Variants in POMGNT1 observed in about 807,000 individuals in gnomAD.
POMGNT1 encodes protein O-linked mannose N-acetylglucosaminyltransferase 1 (beta 1,2-).
A neutral mutation model predicts 95.6 loss-of-function variants in POMGNT1; 67 were observed. The ratio of observed to expected loss-of-function variants is 0.70; its 90% confidence interval spans 0.58 to 0.86. The LOEUF (loss-of-function observed/expected upper bound fraction) is 0.86, where lower values mean the gene tolerates loss of function less well. POMGNT1 is among the 40% of genes least tolerant of loss of function. The pLI, the probability that POMGNT1 is intolerant of heterozygous loss-of-function variation, is 0.00. For synonymous variants in POMGNT1, 298 were observed against 317.9 expected, an observed-to-expected ratio of 0.94 and a Z score of 0.66; for missense variants, 719 against 855.2, an observed-to-expected ratio of 0.84 and a Z score of 1.99.
chr1:46,192,418 C>T lies in POMGNT1; in HGVS notation c.1303G>A (p.Glu435Lys). Residue 435 changes from glutamate to lysine, a missense_variant, in exon 16 of 22, where the codon GAG becomes AAG. Around this residue, in one of 5 missense-constraint regions of POMGNT1, gnomAD observed 118 missense variants for 153.6 expected, o/e 0.77. Coordinates refer to ENST00000371984, the MANE Select transcript of POMGNT1 (RefSeq NM_017739.4). ...ACACGGTACAGTAGTGCTGGGTCCT[C>T]AGCCGTGTGTTCATACCCCTGGGGA... ...WNDQGYEHTA[E>K]DPALLYRVET... 23 of 1,614,210 alleles carry T rather than the reference C, an allele frequency of 1.4e-5. No homozygotes were observed. Among genetic ancestry groups the T allele is most frequent in the Non-Finnish European group, 1.9e-5 (23 of 1,180,044 alleles).
At chr1:46,214,115 G>T (rs966731335) in intron 1 of POMGNT1, among the ~76,000 whole-genome samples, 4 of 152,126 alleles carry the variant, frequency 2.6e-5, no homozygotes, top group African/African-American at 7.2e-5. Context: ...GAAGGCCGAG[G>T]CTGGATGATC....
chr1:46,189,436 A>G (rs1369640597), intron 21 of POMGNT1, 22 bp downstream of exon 21: 1 of 1,613,454 alleles, frequency 6.2e-7, no homozygotes. Context: ...CCTGTTTCCC[A>G]GGGCAGAAAA....
rs886046386 is a variant in POMGNT1, at chr1:46,197,084, T to C, written c.121A>G (p.Thr41Ala). 1.2e-6 allele frequency: 2 copies of C among 1,614,020 alleles called. No homozygotes were observed. The highest frequency in any genetic ancestry group is 4.5e-5 in the East Asian group (2 of 44,904). The stretch of plus-strand genomic sequence containing the variant: ...ACCAGCAGGAAAAGCACGGCCCCTG[T>C]CTGAGGGGAGGGGTAGGGATGATTA... ...NQRALRRFCQ[T>A]GAVLFLLVTV... Residue 41 changes from threonine (T) to alanine (A), a missense_variant and splice_region_variant, in exon 3 of 22, where the codon ACA (threonine) becomes GCA (alanine). Coordinates refer to ENST00000371984, the MANE Select transcript of POMGNT1 (RefSeq NM_017739.4).
At chr1:46,216,307 A>G (rs922432996) in intron 1 of POMGNT1, among the ~76,000 whole-genome samples, 2 of 151,568 alleles carry the variant, frequency 1.3e-5, no homozygotes, top group Non-Finnish European at 2.9e-5. Flanking sequence ...CGGCCTCCCA[A>G]AGTGCTGGGA....
intron 19 of POMGNT1, 107 bp from the exon 20 acceptor site, chr1:46,190,096 TC>T (rs766265920): frequency 2.8e-4 from 327 of 1,175,204 alleles, no homozygotes; most frequent in Middle Eastern, 5.8e-4. Flanking sequence ...ACCTTGAAGT[TC>T]TTTTTTTTTT....
At chr1:46,191,924 G>A (rs1284001610) in intron 17 of POMGNT1, 174 bp downstream of exon 17, 6 of 1,081,638 alleles carry the variant, frequency 5.5e-6, no homozygotes, top group African/African-American at 1.6e-5. Context: ...GTGAGCCACC[G>A]CGCCCAGCCC....
Position 46,192,952 on chromosome 1 carries a change from T to C in POMGNT1, c.1159A>G (p.Lys387Glu). ...TCCTCTTCCAGAACCACAGCAAACT[T>C]GGCCTCCTAGAAGGGGAATGGGACA... ...TATFNLFPEAKFAVVLEEDLD... is the reference protein window; with the variant it reads ...TATFNLFPEAEFAVVLEEDLD... The change falls in exon 14 of 22, where the codon AAG becomes GAG. Residue 387 changes from lysine to glutamate, a missense_variant. This residue lies in a region of POMGNT1 where 466 missense variants were observed against 517.4 expected (regional missense o/e 0.90). Transcript: ENST00000371984. 6.2e-7 allele frequency: 1 copy of C among 1,614,112 alleles called. No individual in the cohort carries two copies. The highest frequency in any genetic ancestry group is 1.1e-5 in the South Asian group (1 of 91,076).
chr1:46,215,225 CAAAAA>C (rs35554687), intron 1 of POMGNT1, among the ~76,000 whole-genome samples: 2 of 75,622 alleles, frequency 2.6e-5, no homozygotes, highest in Non-Finnish European at 5.5e-5. Flanking sequence ...AACTCTGTCT[CAAAAA>C]AAAAAAAAAA....
intron 11 of POMGNT1, 67 bp from the exon 12 acceptor site, chr1:46,193,455 G>C: frequency 6.2e-7 from 1 of 1,606,830 alleles, no homozygotes; most frequent in East Asian, 2.2e-5. Flanking sequence ...GCAATCCAAG[G>C]CCTTCACATT....
At chr1:46,219,366 C>T (rs1659162297) in intron 1 of POMGNT1, among the ~76,000 whole-genome samples, 1 of 151,824 alleles carries the variant, frequency 6.6e-6, no homozygotes. Context: ...TAATACTTAA[C>T]ATTTACTGAG....
intron 18 of POMGNT1, 69 bp downstream of exon 18, chr1:46,190,651 A>T (rs1467675450): frequency 2.6e-6 from 4 of 1,546,562 alleles, no homozygotes; most frequent in Non-Finnish European, 3.6e-6. Context: ...CCAGCATTGG[A>T]AGGGACTTTC....
chr1:46,194,157 C>T, intron 9 of POMGNT1, 117 bp downstream of exon 9: 1 of 1,588,416 alleles, frequency 6.3e-7, no homozygotes, highest in Non-Finnish European at 8.6e-7. Context: ...CAGTGTAAAT[C>T]CTGCCCCTGG....
intron 1 of POMGNT1, among the ~76,000 whole-genome samples, chr1:46,219,091 G>A (rs1659151262): frequency 6.6e-6 from 1 of 152,054 alleles, no homozygotes; most frequent in Admixed American, 6.5e-5. Context: ...AAGGTCAAGG[G>A]TTTGAGACCA....
At chr1:46,192,755 AG>A in intron 14 of POMGNT1, 144 bp downstream of exon 14, 1 of 1,581,004 alleles carries the variant, frequency 6.3e-7, no homozygotes, top group South Asian at 1.1e-5. Context: ...CTTCAACAGC[AG>A]CCCCAACACC....
Position 46,188,806 on chromosome 1 carries a change from C to CA in POMGNT1, c.*463dup. On this transcript the variant is annotated 3_prime_UTR_variant, in exon 22 of 22. Coordinates refer to ENST00000371984, the MANE Select transcript of POMGNT1 (RefSeq NM_017739.4). Reference sequence around the variant, plus strand: ...GGGTCTCTGAGTGAGTCTGTGTCAGCATGTGGGCCCCAGCTGGGCCTGTCC... The same window carrying CA: ...GGGTCTCTGAGTGAGTCTGTGTCAGCAATGTGGGCCCCAGCTGGGCCTGTCC... 1.2e-6 allele frequency: 2 copies of CA among 1,612,906 alleles called. 1 individual carries two copies. Among genetic ancestry groups the CA allele is most frequent in the South Asian group, 2.2e-5 (2 of 91,082 alleles).
intron 1 of POMGNT1, among the ~76,000 whole-genome samples, chr1:46,219,506 T>C (rs757822793): frequency 5.3e-5 from 8 of 152,148 alleles, no homozygotes; most frequent in African/African-American, 1.9e-4. Flanking sequence ...AAAGAAGATA[T>C]GTCTAATCAG....
chr1:46,197,132 C>T, intron 2 of POMGNT1, 48 bp from the exon 3 acceptor site: 1 of 1,613,302 alleles, frequency 6.2e-7, no homozygotes, highest in Non-Finnish European at 8.5e-7. Flanking sequence ...CCTTCAGATC[C>T]TAGAGGGTCT....
chr1:46,197,553 T>C (rs1571672046), intron 2 of POMGNT1, 149 bp downstream of exon 2: 6 of 1,552,804 alleles, frequency 3.9e-6, no homozygotes, highest in South Asian at 1.2e-5. Flanking sequence ...TCATTACCTA[T>C]AGGGACATGA....
Position 46,196,114 on chromosome 1 carries a change from C to G in POMGNT1, c.355-37G>C. 6.2e-7 allele frequency: 1 copy of G among 1,613,492 alleles called. No homozygotes were observed. The highest frequency in any genetic ancestry group is 8.5e-7 in the Non-Finnish European group (1 of 1,179,998). On this transcript the variant is annotated intron_variant, in intron 4 of 21. Transcript: ENST00000371984. This position sits in a 1 kb window ranked among gnomAD's most constrained non-coding sequence, Gnocchi z 4.4. ...CAGAGACAAAGTCCAGCTTTTCACT[C>G]TGGCATTCAAGGTGTCTCTGTCTTA... is the stretch of plus-strand genomic sequence containing the variant.
Sources: allele counts gnomAD v4.1 joint callset (sites outside exome capture counted in the v4.1 genomes callset), GRCh38; gene constraint gnomAD v4.1.1; regional missense constraint gnomAD v4.1.1; non-coding constraint Gnocchi (gnomAD v3.1); transcripts MANE v1.5; gene names NCBI Gene and HGNC (gene_info 2026-07-23, HGNC 2026-07-21).